Variants in BMPR1A observed in about 807,000 individuals in gnomAD.
BMPR1A encodes the protein bone morphogenetic protein receptor type 1A, also known as bone morphogenetic protein receptor type-1A.
In BMPR1A, 7 loss-of-function variants were observed where a neutral mutation model predicts 66.0. That is an observed-to-expected ratio of 0.11 (90% CI 0.06 to 0.20). The LOEUF (loss-of-function observed/expected upper bound fraction) is 0.20. Ranked by LOEUF, BMPR1A falls within the 10% of genes least tolerant of loss-of-function variation. The pLI is 1.00. For missense variants in BMPR1A, 408 were observed against 669.1 expected (o/e 0.61, Z 4.31); for synonymous variants, 200 against 229.7 (o/e 0.87, Z 1.17).
chr10:86,885,852 T>C (rs1843061046), intron 3 of BMPR1A, among the ~76,000 whole-genome samples: 1 of 152,210 alleles, frequency 6.6e-6, no homozygotes, highest in South Asian at 2.1e-4. Flanking sequence ...AGGAAGCCAA[T>C]AAATTATTGG....
At chr10:86,777,979 C>T (rs1461630115) in intron 1 of BMPR1A, among the ~76,000 whole-genome samples, 2 of 150,090 alleles carry the variant, frequency 1.3e-5, no homozygotes, top group Non-Finnish European at 2.9e-5. Flanking sequence ...TGCCATTGCA[C>T]TCCAGCCTGG....
At chr10:86,921,991 TA>T (rs1843671417) in intron 11 of BMPR1A, among the ~76,000 whole-genome samples, 1 of 152,222 alleles carries the variant, frequency 6.6e-6, no homozygotes, top group South Asian at 2.1e-4. Context: ...CGTTGTGCTA[TA>T]AAATACCAAA....
intron 2 of BMPR1A, among the ~76,000 whole-genome samples, chr10:86,867,342 A>G (rs1842799492): frequency 6.6e-6 from 1 of 152,238 alleles, no homozygotes; most frequent in Non-Finnish European, 1.5e-5. Flanking sequence ...GGTCCCAAGC[A>G]TTTCTAATAA....
chr10:86,840,158 C>T (rs139349031), intron 2 of BMPR1A, among the ~76,000 whole-genome samples: 1 of 152,206 alleles, frequency 6.6e-6, no homozygotes, highest in East Asian at 1.9e-4. Flanking sequence ...TGTGGGGAAT[C>T]TACATTTTAA....
chr10:86,843,183 A>G (rs186830468), intron 2 of BMPR1A, among the ~76,000 whole-genome samples: 2 of 151,884 alleles, frequency 1.3e-5, no homozygotes, highest in East Asian at 1.9e-4. Context: ...CCTATGTACT[A>G]TACTCTTCAG....
chr10:86,789,333 G>A (rs996632642), intron 1 of BMPR1A, among the ~76,000 whole-genome samples: 6 of 152,124 alleles, frequency 3.9e-5, no homozygotes, highest in South Asian at 2.1e-4. Flanking sequence ...ATAAAAGGAC[G>A]CTGTCGAGTG....
At chr10:86,876,235 A>C in intron 3 of BMPR1A, 150 bp downstream of exon 3, 2 of 721,610 alleles carry the variant, frequency 2.8e-6, no homozygotes, top group South Asian at 3.1e-5. Context: ...ACACGTGCCA[A>C]ATAATTTTTT....
At chr10:86,910,108 G>A (rs1465496837) in intron 7 of BMPR1A, among the ~76,000 whole-genome samples, 2 of 152,078 alleles carry the variant, frequency 1.3e-5, no homozygotes, top group African/African-American at 4.8e-5. Flanking sequence ...TGAAGCAGGT[G>A]GATCATTTGA....
At chr10:86,883,871 C>CTTTTTTTTTTTTTTTTT (rs111255462) in intron 3 of BMPR1A, among the ~76,000 whole-genome samples, 2 of 135,250 alleles carry the variant, frequency 1.5e-5, no homozygotes, top group Non-Finnish European at 1.6e-5. Flanking sequence ...GAGCGTATGA[C>CTTTTTTTTTTTTTTTTT]TTTTTTTTTT....
intron 7 of BMPR1A, among the ~76,000 whole-genome samples, chr10:86,902,932 C>A (rs868680998): frequency 6.6e-6 from 1 of 152,110 alleles, no homozygotes; most frequent in Non-Finnish European, 1.5e-5. Flanking sequence ...GTTGAAAACC[C>A]CATAATTCAT....
At position 86,900,042 on chromosome 10, in the gene BMPR1A, G is replaced by T. The variant is rs773689557; in HGVS notation, c.446G>T (p.Gly149Val). 5.6e-6 allele frequency: 9 copies of T among 1,614,052 alleles called. No homozygotes were observed. The highest frequency in any genetic ancestry group is 7.6e-6 in the Non-Finnish European group (9 of 1,180,008). The change falls in exon 7 of 13, where the codon GGC (glycine) becomes GTC (valine). Residue 149 changes from glycine to valine, a missense_variant. Around this residue, in one of 5 missense-constraint regions of BMPR1A, gnomAD observed 174 missense variants for 265.1 expected, o/e 0.66. Coordinates refer to ENST00000372037, the MANE Select transcript of BMPR1A (RefSeq NM_004329.3). ...PPVVIGPFFD[G>V]SIRWLVLLIS... ...TTATTGTCAGGTCCGTTTTTTGATGGCAGCATTCGATGGCTGGTTTTGCTC... is the reference window on the plus strand; with the variant it reads ...TTATTGTCAGGTCCGTTTTTTGATGTCAGCATTCGATGGCTGGTTTTGCTC...
chr10:86,898,873 A>G (rs1029360027), intron 5 of BMPR1A, among the ~76,000 whole-genome samples: 4 of 152,156 alleles, frequency 2.6e-5, no homozygotes, highest in African/African-American at 9.7e-5. Context: ...CTCTCTCCTT[A>G]TGATCATTTA....
chr10:86,878,809 A>C (rs374634706), intron 3 of BMPR1A, among the ~76,000 whole-genome samples: 2 of 152,286 alleles, frequency 1.3e-5, no homozygotes, highest in South Asian at 2.1e-4. Context: ...CAATTGTCTT[A>C]ATCTATATCC....
chr10:86,839,376 T>A (rs2133113512), intron 2 of BMPR1A, among the ~76,000 whole-genome samples: 1 of 152,290 alleles, frequency 6.6e-6, no homozygotes, highest in East Asian at 1.9e-4. Flanking sequence ...GTGGGTCACA[T>A]GAGGCCAGGA....
At chr10:86,841,356 C>T (rs190705276) in intron 2 of BMPR1A, among the ~76,000 whole-genome samples, 101 of 152,246 alleles carry the variant, frequency 6.6e-4, no homozygotes, top group African/African-American at 2.4e-3. Context: ...TATAACATCA[C>T]TGATATGCCC....
At chr10:86,793,097 C>CCCA (rs1252366025) in intron 1 of BMPR1A, among the ~76,000 whole-genome samples, 1 of 112,160 alleles carries the variant, frequency 8.9e-6, no homozygotes, top group Non-Finnish European at 1.8e-5. Flanking sequence ...GATCTATACC[C>CCCA]CCCCCCACCC....
In BMPR1A at chr10:86,899,862, G is replaced by A; in HGVS notation, c.402G>A (p.Leu134=). Residue 134 remains leucine, a synonymous_variant, in exon 6 of 13, where the codon TTG becomes TTA. Transcript: ENST00000372037. The stretch of plus-strand genomic sequence containing the variant: ...GGACCAATTTATGTAACCAGTATTT[G>A]CAACCCACACTGCCCCCTGTTGTCA... The part of the protein sequence containing the change: ...CCRTNLCNQY[L]QPTLPPVVIG... 1 of 1,614,132 alleles carries A rather than the reference G, an allele frequency of 6.2e-7. No homozygotes were observed. The highest frequency in any genetic ancestry group is 1.1e-5 in the South Asian group (1 of 91,074).
At chr10:86,822,231 C>T (rs970299984) in intron 1 of BMPR1A, among the ~76,000 whole-genome samples, 1 of 152,146 alleles carries the variant, frequency 6.6e-6, no homozygotes, top group African/African-American at 2.4e-5. Context: ...TTGAAAAATA[C>T]TCATTTTTCT....
intron 5 of BMPR1A, among the ~76,000 whole-genome samples, chr10:86,896,888 G>T (rs1843230995): frequency 6.6e-6 from 1 of 152,194 alleles, no homozygotes; most frequent in South Asian, 2.1e-4. Flanking sequence ...CTAACTTTCT[G>T]TATTTCTTGG....
Sources: gnomAD v4.1 joint callset for allele counts (sites outside exome capture counted in the v4.1 genomes callset) on GRCh38, gnomAD v4.1.1 for gene constraint, gnomAD v4.1.1 regional missense constraint, MANE v1.5 for transcripts, NCBI Gene and HGNC (gene_info 2026-07-23, HGNC 2026-07-21) for gene names.